The following CNTN6 variants were observed in gnomAD, a reference collection of about 807,000 sequenced individuals.
The protein encoded by CNTN6 is contactin 6.
A neutral mutation model predicts 122.8 loss-of-function variants in CNTN6; 137 were observed. The ratio of observed to expected loss-of-function variants is 1.12; its 90% CI spans 0.97 to 1.29. The LOEUF is 1.29. Among genes scored for constraint, CNTN6 ranks in the 50% most tolerant of loss-of-function variants. CNTN6 has a pLI of 0.00. For synonymous variants in CNTN6, 570 were observed against 426.0 expected (o/e 1.34, Z -4.16); for missense variants, 1,634 against 1,223.4 (o/e 1.34, Z -5.01).
intron 2 of CNTN6, among the ~76,000 whole-genome samples, chr3:1,149,170 G>C (rs976068909): frequency 1.3e-5 from 2 of 152,104 alleles, no homozygotes; most frequent in Non-Finnish European, 2.9e-5. Flanking sequence ...ACCAACCATA[G>C]TCTGTTACAA....
chr3:1,377,832 G>A (rs1710099924), intron 17 of CNTN6, among the ~76,000 whole-genome samples: 1 of 152,144 alleles, frequency 6.6e-6, no homozygotes, highest in East Asian at 1.9e-4. Flanking sequence ...GAAAGGAAAA[G>A]GTCTGGATTG....
chr3:1,320,025 G>A lies in CNTN6; in HGVS notation c.762-1625G>A, dbSNP rs146504254. Among the ~76,000 whole-genome samples the A allele has an allele frequency of 4.8e-3, 719 of 151,346 alleles. 4 individuals carry two copies. Among genetic ancestry groups the A allele is most frequent in the South Asian group, 0.024 (117 of 4,810 alleles). ...TGAATAAAGTTCCTTCTAGAATTTC[G>A]TTCTTATTGGTTAGTATGCCATAAA... On this transcript the variant is annotated intron_variant, in intron 7 of 22. Coordinates refer to ENST00000446702, the MANE Select transcript of CNTN6 (RefSeq NM_001289080.2).
chr3:1,351,863 C>A (rs943659730), intron 11 of CNTN6, among the ~76,000 whole-genome samples: 1 of 151,874 alleles, frequency 6.6e-6, no homozygotes, highest in African/African-American at 2.4e-5. Flanking sequence ...GTTCAACACC[C>A]CATTCTGTGG....
rs370301312 is a variant in CNTN6 at position 1,201,646 on chromosome 3, G to A, written c.56-19041G>A. On this transcript the variant is annotated intron_variant, in intron 2 of 22. Coordinates refer to ENST00000446702, the MANE Select transcript of CNTN6 (RefSeq NM_001289080.2). ...TTCCACTTCTAGAAAAGTTTGCTAA[G>A]AAAGTAATTCTAAATTTAGGAAAAA... Among the ~76,000 whole-genome samples, 5 of 152,242 alleles carry A rather than the reference G, an allele frequency of 3.3e-5. No homozygotes were observed. The East Asian group carries it at 9.6e-4, about 29-fold the overall frequency.
At chr3:1,369,869 C>A (rs1454353689) in intron 12 of CNTN6, among the ~76,000 whole-genome samples, 1 of 150,076 alleles carries the variant, frequency 6.7e-6, no homozygotes, top group Non-Finnish European at 1.5e-5. Flanking sequence ...AAGGTTCAAT[C>A]ACACTTTATT....
At chr3:1,215,001 C>T (rs1330537522) in intron 2 of CNTN6, among the ~76,000 whole-genome samples, 2 of 152,176 alleles carry the variant, frequency 1.3e-5, no homozygotes, top group East Asian at 3.9e-4. Flanking sequence ...TCAAGTGATC[C>T]TTCTGTCTTG....
chr3:1,337,797 G>T (rs2126025604), intron 11 of CNTN6, among the ~76,000 whole-genome samples: 1 of 152,224 alleles, frequency 6.6e-6, no homozygotes, highest in Admixed American at 6.5e-5. Flanking sequence ...GATGTCAAGA[G>T]CCATCTGATA....
chr3:1,207,859 T>G (rs958795845), intron 2 of CNTN6, among the ~76,000 whole-genome samples: 3 of 152,110 alleles, frequency 2.0e-5, no homozygotes, highest in Non-Finnish European at 2.9e-5. Context: ...GCTCCTCATC[T>G]TTCTCTTCTC....
intron 2 of CNTN6, among the ~76,000 whole-genome samples, chr3:1,153,573 A>C (rs1332111914): frequency 6.6e-6 from 1 of 152,250 alleles, no homozygotes; most frequent in Non-Finnish European, 1.5e-5. Context: ...ACTTCTTTAT[A>C]AATAACACAG....
At chr3:1,356,765 T>A (rs1298005205) in intron 12 of CNTN6, among the ~76,000 whole-genome samples, 1 of 151,862 alleles carries the variant, frequency 6.6e-6, no homozygotes, top group East Asian at 1.9e-4. Context: ...TTCAACAGAA[T>A]GAACATTTGA....
At chr3:1,238,164 T>G (rs1353561464) in intron 4 of CNTN6, among the ~76,000 whole-genome samples, 1 of 152,060 alleles carries the variant, frequency 6.6e-6, no homozygotes, top group East Asian at 1.9e-4. Context: ...ACGAGAATTC[T>G]CCAATAAAGT....
chr3:1,130,243 T>C (rs955001898), intron 1 of CNTN6, among the ~76,000 whole-genome samples: 1 of 152,054 alleles, frequency 6.6e-6, no homozygotes, highest in Non-Finnish European at 1.5e-5. Flanking sequence ...GTTTAATCAT[T>C]GTAGCAGATG....
chr3:1,093,849 C>T (rs765897050), intron 1 of CNTN6, among the ~76,000 whole-genome samples: 1 of 152,132 alleles, frequency 6.6e-6, no homozygotes, highest in East Asian at 1.9e-4. Flanking sequence ...CCACGTATAA[C>T]CCATTATGTT....
chr3:1,129,958 T>C (rs1051013732), intron 1 of CNTN6, among the ~76,000 whole-genome samples: 11 of 152,108 alleles, frequency 7.2e-5, no homozygotes, highest in Non-Finnish European at 1.6e-4. Context: ...TACATACATA[T>C]ACAGGTAAAT....
chr3:1,397,713 A>G (rs1049178996), intron 20 of CNTN6, among the ~76,000 whole-genome samples: 4 of 152,156 alleles, frequency 2.6e-5, no homozygotes, highest in African/African-American at 7.2e-5. Flanking sequence ...TGTTGGCTCA[A>G]TTTGGCCCTT....
chr3:1,345,225 T>C (rs1309265570), intron 11 of CNTN6, among the ~76,000 whole-genome samples: 1 of 151,908 alleles, frequency 6.6e-6, no homozygotes, highest in Non-Finnish European at 1.5e-5. Context: ...CAAGTGATTC[T>C]CCCGCCTCAG....
At chr3:1,099,090 A>G (rs2090711571) in intron 1 of CNTN6, among the ~76,000 whole-genome samples, 1 of 152,016 alleles carries the variant, frequency 6.6e-6, no homozygotes, top group South Asian at 2.1e-4. Context: ...GAAATAGTAT[A>G]TTGAAAGCAA....
At position 1,381,639 on chromosome 3, in the gene CNTN6, C is replaced by T. The variant is rs558369503; in HGVS notation, c.2167-1303C>T. 2.6e-5 allele frequency among the ~76,000 whole-genome samples: 4 copies of T among 152,318 alleles called. No individual in the cohort carries two copies. The South Asian group carries it at 8.3e-4, about 32-fold the overall frequency. On this transcript the variant is annotated intron_variant, in intron 17 of 22. Transcript: ENST00000446702. ...TGAATAGTCTCTCATGCTTATGCCT[C>T]AGTTCCTCCCATTTCCTTTACTTCC...
chr3:1,372,546 G>C (rs149087419), intron 13 of CNTN6, 72 bp downstream of exon 13: 1 of 1,238,832 alleles, frequency 8.1e-7, no homozygotes, highest in East Asian at 2.5e-5. Flanking sequence ...ATTTTTCATA[G>C]TTACTCTCTC....
Sources: gnomAD v4.1 joint callset for allele counts (sites outside exome capture counted in the v4.1 genomes callset) on GRCh38, gnomAD v4.1.1 for gene constraint, MANE v1.5 for transcripts, NCBI Gene and HGNC (gene_info 2026-07-23, HGNC 2026-07-21) for gene names.